The following AK7 variants were observed in gnomAD, a reference collection of about 807,000 sequenced individuals.
The protein encoded by AK7 is ATP-AMP transphosphorylase 7.
AK7 carries 78 observed loss-of-function variants against 96.6 expected under a neutral mutation model. The observed-to-expected ratio is 0.81, with a 90% CI of 0.67 to 0.97. The LOEUF (loss-of-function observed/expected upper bound fraction) is 0.97, where lower values mean the gene tolerates loss of function less well. Ranked by LOEUF, AK7 falls within the 50% of genes least tolerant of loss-of-function variation. The pLI, the probability that AK7 is intolerant of heterozygous loss-of-function variation, is 0.00. For synonymous variants in AK7, 302 were observed against 317.2 expected (o/e 0.95, Z 0.51); for missense variants, 855 against 887.9 (o/e 0.96, Z 0.47).
chr14:96,451,694 C>T, intron 10 of AK7, 124 bp downstream of exon 10: 3 of 973,524 alleles, frequency 3.1e-6, no homozygotes, highest in Non-Finnish European at 4.1e-6. Flanking sequence ...TCAAGTTTTT[C>T]AAATTTGACA....
rs10139980 is a variant in AK7 at position 96,450,837 on chromosome 14, C to G, written c.949-584C>G. ...TCGTCCAGGCTGGAGTGCAGTGGCG[C>G]GATCTCGGCTCACTGCAAGTTCCAC... is the stretch of plus-strand genomic sequence containing the variant. On this transcript the variant is annotated intron_variant, in intron 9 of 17. Coordinates refer to ENST00000267584, the MANE Select transcript of AK7 (RefSeq NM_152327.5). 7.6e-5 allele frequency among the ~76,000 whole-genome samples: 11 copies of G among 143,992 alleles called. No homozygotes were observed. The South Asian group carries it at 2.0e-3, about 26-fold the overall frequency. The allele number at this position is 143,992 out of a possible 152,430, so 94.5% of individuals were successfully genotyped here. A position where few individuals can be genotyped will look rare whatever the true frequency, so the allele number is the denominator to read the frequency against.
intron 4 of AK7, among the ~76,000 whole-genome samples, chr14:96,417,631 G>C (rs1891419254): frequency 6.6e-6 from 1 of 152,108 alleles, no homozygotes; most frequent in Non-Finnish European, 1.5e-5. Flanking sequence ...AACACACTTT[G>C]CTCTCTTTGT....
intron 15 of AK7, among the ~76,000 whole-genome samples, chr14:96,479,085 CT>C (rs1001104764): frequency 6.7e-6 from 1 of 148,530 alleles, no homozygotes. Context: ...ATTTTTTTTT[CT>C]TTTTTTTTGA....
At chr14:96,486,467 G>C (rs750287230) in intron 16 of AK7, among the ~76,000 whole-genome samples, 1 of 152,134 alleles carries the variant, frequency 6.6e-6, no homozygotes, top group Non-Finnish European at 1.5e-5. Context: ...GCCAGGAGCT[G>C]GCTGGATGAT....
intron 12 of AK7, 69 bp downstream of exon 12, chr14:96,458,281 A>G (rs1436871863): frequency 1.3e-6 from 2 of 1,559,538 alleles, no homozygotes; most frequent in Non-Finnish European, 1.7e-6. Context: ...ATCTGGTTAT[A>G]AAAGACTGTT....
At position 96,451,222 on chromosome 14, in the gene AK7, T is replaced by A. The variant is rs1020043154; in HGVS notation, c.949-199T>A. On this transcript the variant is annotated intron_variant, in intron 9 of 17. Transcript: ENST00000267584. The stretch of plus-strand genomic sequence containing the variant: ...TGTTCAGCCAGAAGGTGGCCCGCCA[T>A]CAGAGTAGACATGGAGACTGTTTAG... 3.9e-5 allele frequency among the ~76,000 whole-genome samples: 6 copies of A among 152,230 alleles called. 1 individual carries two copies. The highest frequency in any genetic ancestry group is 1.2e-4 in the African/African-American group (5 of 41,466).
At chr14:96,437,223 T>C (rs1052489371) in intron 5 of AK7, among the ~76,000 whole-genome samples, 1 of 152,182 alleles carries the variant, frequency 6.6e-6, no homozygotes, top group African/African-American at 2.4e-5. Context: ...TTGGAGTGTT[T>C]GTAATTCAAT....
At chr14:96,462,608 A>G (rs1177127848) in intron 12 of AK7, among the ~76,000 whole-genome samples, 2 of 152,112 alleles carry the variant, frequency 1.3e-5, no homozygotes, top group African/African-American at 2.4e-5. Flanking sequence ...CTCACTTTAC[A>G]TATTTCAAAA....
At position 96,482,956 on chromosome 14, in the gene AK7, C is replaced by T. The variant is rs748557527; in HGVS notation, c.1754-43C>T. The T allele has an allele frequency of 3.1e-6, 5 of 1,596,496 alleles. No individual in the cohort carries two copies. The South Asian group carries it at 5.5e-5, about 18-fold the overall frequency. On this transcript the variant is annotated intron_variant, in intron 15 of 17. Transcript: ENST00000267584. ...AGAATTTTCCCAATTGCAGGCAGGC[C>T]TAGAATATAAGTATGTGTTGATCTC...
intron 5 of AK7, among the ~76,000 whole-genome samples, chr14:96,436,930 G>T (rs1031515325): frequency 1.4e-4 from 21 of 152,058 alleles, no homozygotes; most frequent in Admixed American, 2.6e-4. Context: ...ATCTTATTCT[G>T]GATTCAGGGT....
chr14:96,445,169 T>C (rs982518559), intron 7 of AK7, among the ~76,000 whole-genome samples: 6 of 152,230 alleles, frequency 3.9e-5, no homozygotes, highest in Non-Finnish European at 4.4e-5. Flanking sequence ...ACTGACACAC[T>C]TGTTCTATTT....
chr14:96,432,306 A>T (rs2140070086), intron 5 of AK7, among the ~76,000 whole-genome samples: 1 of 151,190 alleles, frequency 6.6e-6, no homozygotes, highest in South Asian at 2.1e-4. Flanking sequence ...GGTCCCCTGA[A>T]TACAGCACAC....
chr14:96,468,358 C>T (rs1360235510), intron 12 of AK7, among the ~76,000 whole-genome samples: 1 of 141,056 alleles, frequency 7.1e-6, no homozygotes, highest in African/African-American at 2.7e-5. Flanking sequence ...CTGGAGTGCG[C>T]GATCTCGGCT....
intron 12 of AK7, among the ~76,000 whole-genome samples, chr14:96,463,850 TA>T (rs771947339): frequency 1.7e-4 from 26 of 151,930 alleles, no homozygotes; most frequent in Admixed American, 1.2e-3. Flanking sequence ...CTGTGAACTC[TA>T]AAAACTTACA....
chr14:96,404,684 T>TA, intron 2 of AK7, 73 bp from the exon 3 acceptor site: 2 of 1,033,644 alleles, frequency 1.9e-6, no homozygotes, highest in Non-Finnish European at 3.0e-6. Context: ...TTTTGAAAAT[T>TA]ATCATTTCAT....
chr14:96,455,596 T>G (rs926462966), intron 10 of AK7, among the ~76,000 whole-genome samples: 1 of 152,196 alleles, frequency 6.6e-6, no homozygotes, highest in Non-Finnish European at 1.5e-5. Context: ...ATTCTTTGCT[T>G]TGTTACTGTT....
chr14:96,442,406 C>T (rs1253338342), intron 6 of AK7, among the ~76,000 whole-genome samples: 5 of 152,196 alleles, frequency 3.3e-5, no homozygotes, highest in Admixed American at 6.5e-5. Flanking sequence ...CTACTAAATA[C>T]GGCTGAGAGG....
At chr14:96,476,718 TTAAA>T (rs1895208473) in intron 14 of AK7, among the ~76,000 whole-genome samples, 1 of 152,154 alleles carries the variant, frequency 6.6e-6, no homozygotes, top group Non-Finnish European at 1.5e-5. Context: ...GAACATTTTT[TTAAA>T]AATCATCTAG....
chr14:96,486,868 T>C (rs1312515035), intron 16 of AK7, 30 bp from the exon 17 acceptor site: 2 of 1,606,906 alleles, frequency 1.2e-6, no homozygotes, highest in Non-Finnish European at 8.5e-7. Flanking sequence ...TCACTACACA[T>C]TTACTTTACC....
Sources: gnomAD v4.1 joint callset for allele counts (sites outside exome capture counted in the v4.1 genomes callset) on GRCh38, gnomAD v4.1.1 for gene constraint, MANE v1.5 for transcripts, NCBI Gene and HGNC (gene_info 2026-07-23, HGNC 2026-07-21) for gene names.